The following TCP11L2 variants were observed in gnomAD, a reference collection of about 807,000 sequenced individuals.
TCP11L2 encodes T-complex protein 11-like protein 2.
TCP11L2 carries 39 observed loss-of-function variants against 50.7 expected under a neutral mutation model. That is an observed-to-expected ratio of 0.77 (90% CI 0.60 to 1.01). The LOEUF (loss-of-function observed/expected upper bound fraction) is 1.01, where lower values mean the gene tolerates loss of function less well. Among genes scored for constraint, TCP11L2 ranks in the 50% least tolerant of loss-of-function variants. The pLI is 0.00. For synonymous variants in TCP11L2, 192 were observed against 219.3 expected (o/e 0.88, Z 1.10); for missense variants, 612 against 614.7 (o/e 1.00, Z 0.05).
At chr12:106,322,850 T>C (rs1336403743) in intron 5 of TCP11L2, among the ~76,000 whole-genome samples, 1 of 152,212 alleles carries the variant, frequency 6.6e-6, no homozygotes, top group South Asian at 2.1e-4. Flanking sequence ...TCCTCAGTTA[T>C]AGGATCCTTG....
chr12:106,340,876 T>C lies in TCP11L2; in HGVS notation c.1193T>C (p.Val398Ala). 1 of 1,613,500 alleles carries C rather than the reference T, an allele frequency of 6.2e-7. No homozygotes were observed. The highest frequency in any genetic ancestry group is 1.7e-4 in the Middle Eastern group (1 of 6,054). The stretch of plus-strand genomic sequence containing the variant: ...AATTCTATTGGTATTCAGACTTGTG[T>C]TGAGGTTAACAAGACCCTGATGGAA... ...VLNSIGIQTC[V>A]EVNKTLMERG... Residue 398 changes from valine (V) to alanine (A), a missense_variant, in exon 9 of 10, where the codon GTT (valine) becomes GCT (alanine). By Grantham distance (64) the Val-to-Ala change is moderately conservative. Coordinates refer to ENST00000299045, the MANE Select transcript of TCP11L2 (RefSeq NM_152772.3).
intron 2 of TCP11L2, among the ~76,000 whole-genome samples, chr12:106,311,652 G>A (rs1192244123): frequency 6.6e-6 from 1 of 152,164 alleles, no homozygotes; most frequent in Non-Finnish European, 1.5e-5. Context: ...ATAATCTAAA[G>A]GGTTTCATGT....
intron 3 of TCP11L2, among the ~76,000 whole-genome samples, chr12:106,316,031 T>G (rs1461449829): frequency 6.6e-6 from 1 of 152,202 alleles, no homozygotes; most frequent in Non-Finnish European, 1.5e-5. Flanking sequence ...ATAGTCCTCT[T>G]GGGGATGTTG....
intron 6 of TCP11L2, among the ~76,000 whole-genome samples, chr12:106,333,019 G>C (rs1213939572): frequency 6.6e-6 from 1 of 152,192 alleles, no homozygotes; most frequent in Non-Finnish European, 1.5e-5. Context: ...AACGTGAGGA[G>C]ATATTTTATG....
intron 6 of TCP11L2, among the ~76,000 whole-genome samples, chr12:106,334,795 T>C (rs971885701): frequency 7.9e-5 from 12 of 151,968 alleles, no homozygotes; most frequent in African/African-American, 2.9e-4. Flanking sequence ...ACAAAAATTA[T>C]CTGGGTGTGG....
chr12:106,344,759 G>T (rs771865758), intron 9 of TCP11L2, among the ~76,000 whole-genome samples: 2 of 152,144 alleles, frequency 1.3e-5, no homozygotes, highest in Non-Finnish European at 2.9e-5. Context: ...AAAGCCCTTG[G>T]AGCAGCCTGA....
At chr12:106,321,386 A>T (rs983420008) in intron 4 of TCP11L2, 100 bp from the exon 5 acceptor site, 2 of 1,049,592 alleles carry the variant, frequency 1.9e-6, no homozygotes, top group Non-Finnish European at 2.8e-6. Flanking sequence ...CTGAGGCACT[A>T]AAATGTGGGC....
Position 106,314,574 on chromosome 12 carries a change from TGTGAGAGA to T in TCP11L2, c.293+83_293+90del, listed in dbSNP as rs754214793. 1,405 of 615,624 alleles carry T rather than the reference TGTGAGAGA, an allele frequency of 2.3e-3. 2 individuals are homozygous for T. The highest frequency in any genetic ancestry group is 0.017 in the African/African-American group (648 of 37,228). 38.1% of individuals were successfully genotyped at this position (615,624 alleles called of 1,614,324 possible). A position where few individuals can be genotyped will look rare whatever the true frequency, so the allele number is the denominator to read the frequency against. On this transcript the variant is annotated intron_variant, in intron 3 of 9. Coordinates refer to ENST00000299045, the MANE Select transcript of TCP11L2 (RefSeq NM_152772.3). ...GTGTGTGTGTGTGTGTGTGTGTGTG[TGTGAGAGA>T]GAGAGAGAGAGAGAGAGAGACAGAG...
At chr12:106,303,383 T>C (rs1317965884) in intron 1 of TCP11L2, 3 of 152,406 alleles carry the variant, frequency 2.0e-5, no homozygotes, top group African/African-American at 7.2e-5. Context: ...TTGGGATTTG[T>C]TGCCGTGGTT....
chr12:106,302,057 G>A, upstream of TCP11L2: 1 of 152,566 alleles, frequency 6.6e-6, no homozygotes, highest in Non-Finnish European at 1.5e-5. Flanking sequence ...CCGGTTAGTG[G>A]CTGACGTGCG....
chr12:106,321,746 G>C, intron 5 of TCP11L2, 40 bp downstream of exon 5: 1 of 1,572,788 alleles, frequency 6.4e-7, no homozygotes, highest in Middle Eastern at 2.0e-4. Flanking sequence ...GAGTATCTTT[G>C]AGTTCATTCA....
At chr12:106,302,254 G>C (rs1312215198), upstream of TCP11L2, among the ~76,000 whole-genome samples, 1 of 151,958 alleles carries the variant, frequency 6.6e-6, no homozygotes, top group African/African-American at 2.4e-5. Context: ...GGATCTGTCC[G>C]GCACTCCACT....
At position 106,311,025 on chromosome 12, in the gene TCP11L2, C is replaced by A; in HGVS notation, c.-35-16C>A. The A allele has an allele frequency of 6.3e-7, 1 of 1,593,286 alleles. No homozygotes were observed. Among genetic ancestry groups the A allele is most frequent in the South Asian group, 1.1e-5 (1 of 88,102 alleles). ...GTACCACAGAACATTGACGCAGGGT[C>A]TGTTTGTCTGTGCAGGTGCTACCTT... On this transcript the variant is annotated splice_polypyrimidine_tract_variant and intron_variant, in intron 1 of 9. Transcript: ENST00000299045.
chr12:106,335,595 G>T (rs2035888307), intron 6 of TCP11L2, 44 bp from the exon 7 acceptor site: 2 of 1,591,640 alleles, frequency 1.3e-6, no homozygotes, highest in African/African-American at 1.3e-5. Context: ...CCAGTGAAGG[G>T]ATCAATCAGC....
At chr12:106,341,521 G>A (rs1744567478) in intron 9 of TCP11L2, among the ~76,000 whole-genome samples, 1 of 152,198 alleles carries the variant, frequency 6.6e-6, no homozygotes, top group African/African-American at 2.4e-5. Context: ...GACTTTTTCT[G>A]CTACCTGTGA....
intron 8 of TCP11L2, among the ~76,000 whole-genome samples, chr12:106,336,547 A>ATTTTTTTTTTTTTTTTTTTTTTTTTT (rs11449901): frequency 9.8e-6 from 1 of 102,164 alleles, no homozygotes. Context: ...GAATTGCGCA[A>ATTTTTTTTTTTTTTTTTTTTTTTTTT]TTTTTTTTTT....
At chr12:106,305,288 T>G (rs2034583753) in intron 1 of TCP11L2, among the ~76,000 whole-genome samples, 1 of 151,754 alleles carries the variant, frequency 6.6e-6, no homozygotes. Context: ...GAACAGTTAT[T>G]GAGTGCTTAT....
intron 4 of TCP11L2, among the ~76,000 whole-genome samples, chr12:106,320,855 G>A (rs1485588896): frequency 6.6e-6 from 1 of 152,234 alleles, no homozygotes; most frequent in Admixed American, 6.5e-5. Flanking sequence ...CTGTGTGGTG[G>A]TAGGAGGTGT....
intron 1 of TCP11L2, among the ~76,000 whole-genome samples, chr12:106,309,046 A>T (rs2034746677): frequency 6.6e-6 from 1 of 152,202 alleles, no homozygotes; most frequent in Admixed American, 6.5e-5. Context: ...AGTGCTATTC[A>T]CTTTGGCTAG....
Sources: gnomAD v4.1 joint callset for allele counts (sites outside exome capture counted in the v4.1 genomes callset) on GRCh38, gnomAD v4.1.1 for gene constraint, MANE v1.5 for transcripts, NCBI Gene and HGNC (gene_info 2026-07-23, HGNC 2026-07-21) for gene names.